PTPRT: variants seen among roughly 807,000 people sequenced by gnomAD.
The protein encoded by PTPRT is protein tyrosine phosphatase receptor type T, also known as receptor-type tyrosine-protein phosphatase T.
A neutral mutation model predicts 176.8 loss-of-function variants in PTPRT; 56 were observed. The ratio of observed to expected loss-of-function variants is 0.32; its 90% confidence interval spans 0.26 to 0.40. PTPRT has a LOEUF of 0.40. Among genes scored for constraint, PTPRT ranks in the 10% least tolerant of loss-of-function variants. PTPRT has a pLI of 1.00. For synonymous variants in PTPRT, 783 were observed against 739.0 expected, an observed-to-expected ratio of 1.06 and a Z score of -0.96; for missense variants, 1,540 against 1,908.2, an observed-to-expected ratio of 0.81 and a Z score of 3.60.
At chr20:43,187,950 G>A (rs2015435810) in intron 1 of PTPRT, among the ~76,000 whole-genome samples, 1 of 152,242 alleles carries the variant, frequency 6.6e-6, no homozygotes, top group African/African-American at 2.4e-5. Flanking sequence ...TCCGGAACGG[G>A]CGGCGTTCAG....
chr20:42,437,548 A>G (rs1280725241), intron 9 of PTPRT, among the ~76,000 whole-genome samples: 1 of 152,018 alleles, frequency 6.6e-6, no homozygotes, highest in Non-Finnish European at 1.5e-5. Flanking sequence ...CCCTGGAGAC[A>G]TGGTATGTAT....
At chr20:42,307,986 T>C (rs1448922369) in intron 12 of PTPRT, among the ~76,000 whole-genome samples, 1 of 152,194 alleles carries the variant, frequency 6.6e-6, no homozygotes, top group Non-Finnish European at 1.5e-5. Flanking sequence ...ATCAGCATGC[T>C]AAAAGCCACT....
rs185887968 is a variant in PTPRT at position 43,037,245 on chromosome 20, C to T, written c.89-151313G>A. Among the ~76,000 whole-genome samples, 146 of 152,308 alleles carry T rather than the reference C, an allele frequency of 9.6e-4. 1 individual carries two copies. The highest frequency in any genetic ancestry group is 3.4e-3 in the African/African-American group (142 of 41,550). On this transcript the variant is annotated intron_variant, in intron 1 of 30. Coordinates refer to ENST00000373187, the MANE Select transcript of PTPRT (RefSeq NM_007050.6). ...AAACATATGCAAATTTTATGAAAGA[C>T]TACTATGTGAAACTATGCTAGGAAA...
At chr20:42,585,095 C>T (rs889429544) in intron 7 of PTPRT, among the ~76,000 whole-genome samples, 4 of 152,072 alleles carry the variant, frequency 2.6e-5, no homozygotes, top group Non-Finnish European at 5.9e-5. Context: ...AAAATGGTTA[C>T]CCTTTATTTT....
rs555994885 is a variant in PTPRT at position 42,073,461 on chromosome 20, G to A, written c.*7418C>T. On this transcript the variant is annotated 3_prime_UTR_variant, in exon 31 of 31. Transcript: ENST00000373187. ...CTCCAACAGGCCTTGAATAGGGAGT[G>A]GGGTAGAAATAACCTCTGGAGATAA... is the stretch of plus-strand genomic sequence containing the variant. 2 of 200,774 alleles carry A rather than the reference G, an allele frequency of 1.0e-5. No individual in the cohort carries two copies. The highest frequency in any genetic ancestry group is 1.5e-4 in the East Asian group (2 of 13,062). The allele number at this position is 200,774 out of a possible 1,614,324, so 12.4% of individuals were successfully genotyped here.
At chr20:42,624,343 A>G (rs1036572158) in intron 7 of PTPRT, among the ~76,000 whole-genome samples, 5 of 152,358 alleles carry the variant, frequency 3.3e-5, no homozygotes, top group Middle Eastern at 3.4e-3. Flanking sequence ...TAAGAGGACA[A>G]TAGAAACACT....
intron 27 of PTPRT, among the ~76,000 whole-genome samples, chr20:42,090,509 C>T (rs1487649207): frequency 6.6e-6 from 1 of 152,032 alleles, no homozygotes; most frequent in Non-Finnish European, 1.5e-5. Flanking sequence ...AACCCTGCTC[C>T]TAAACTCTGA....
intron 1 of PTPRT, among the ~76,000 whole-genome samples, chr20:42,933,833 C>T (rs1056637030): frequency 1.8e-4 from 27 of 152,198 alleles, no homozygotes; most frequent in Admixed American, 4.6e-4. Flanking sequence ...CACCAGCCAG[C>T]TGAGAAGATG....
the PTPRT span, among the ~76,000 whole-genome samples, chr20:42,044,548 T>G: frequency 1.3e-5 from 2 of 152,162 alleles, no homozygotes; most frequent in Admixed American, 1.3e-4. Flanking sequence ...CAGAGTTAAG[T>G]CATGGGAGTG....
chr20:42,944,898 G>A (rs754979883), intron 1 of PTPRT, among the ~76,000 whole-genome samples: 4 of 151,936 alleles, frequency 2.6e-5, no homozygotes, highest in Admixed American at 6.6e-5. Flanking sequence ...CATCTGAGTC[G>A]GTGTTTGTTC....
At chr20:42,085,900 G>A (rs1569548) in intron 27 of PTPRT, 47 bp from the exon 28 acceptor site, 11 of 1,537,656 alleles carry the variant, frequency 7.2e-6, no homozygotes, top group Non-Finnish European at 8.9e-6. Context: ...GGCAGGGGGC[G>A]GGTATCAAAG....
intron 7 of PTPRT, among the ~76,000 whole-genome samples, chr20:42,641,525 C>G (rs1569046268): frequency 6.6e-6 from 1 of 152,154 alleles, no homozygotes; most frequent in Non-Finnish European, 1.5e-5. Context: ...CAGGCATCAG[C>G]TTTTCTGTAA....
chr20:42,199,940 T>C (rs1256826201), intron 15 of PTPRT, among the ~76,000 whole-genome samples: 2 of 152,018 alleles, frequency 1.3e-5, no homozygotes, highest in Non-Finnish European at 2.9e-5. Context: ...CCCATGGGAA[T>C]AAAAGACCCT....
intron 1 of PTPRT, among the ~76,000 whole-genome samples, chr20:43,157,070 G>T (rs2014542789): frequency 6.6e-6 from 1 of 152,140 alleles, no homozygotes; most frequent in South Asian, 2.1e-4. Flanking sequence ...AAAAGACACA[G>T]GCTGGGCACG....
intron 16 of PTPRT, among the ~76,000 whole-genome samples, chr20:42,198,482 G>C (rs976356796): frequency 6.6e-6 from 1 of 152,174 alleles, no homozygotes; most frequent in African/African-American, 2.4e-5. Context: ...CCAATTTGGG[G>C]AAGAGGCTGG....
intron 16 of PTPRT, among the ~76,000 whole-genome samples, chr20:42,164,034 A>G (rs6016703): frequency 0.29 from 44,287 of 152,216 alleles, 8,128 homozygotes; most frequent in African/African-American, 0.51. Flanking sequence ...GGCAAGAGCC[A>G]CAGAGGTATG....
At chr20:42,247,496 T>C (rs921083345) in intron 14 of PTPRT, among the ~76,000 whole-genome samples, 3 of 152,202 alleles carry the variant, frequency 2.0e-5, no homozygotes, top group Admixed American at 1.3e-4. Flanking sequence ...TTTGTTCTGG[T>C]AGGAAACACA....
At chr20:42,986,555 G>A (rs1005622874) in intron 1 of PTPRT, among the ~76,000 whole-genome samples, 7 of 152,104 alleles carry the variant, frequency 4.6e-5, no homozygotes, top group African/African-American at 1.2e-4. Flanking sequence ...AGCCCTAAGG[G>A]TCATATGAGG....
chr20:42,744,354 T>A (rs1006676898), intron 6 of PTPRT, among the ~76,000 whole-genome samples: 5 of 152,100 alleles, frequency 3.3e-5, no homozygotes, highest in Non-Finnish European at 7.4e-5. Context: ...GAAAGAACAT[T>A]TGGGAGGAGA....
Sources: gnomAD v4.1 joint callset for allele counts (sites outside exome capture counted in the v4.1 genomes callset) on GRCh38, gnomAD v4.1.1 for gene constraint, MANE v1.5 for transcripts, NCBI Gene and HGNC (gene_info 2026-07-23, HGNC 2026-07-21) for gene names.